The following TDG variants were observed in gnomAD, a reference collection of about 807,000 sequenced individuals.
TDG encodes thymine DNA glycosylase.
Under a neutral mutation model 46.1 loss-of-function variants are expected in TDG, and 23 were observed. The observed-to-expected ratio is 0.50, with a 90% CI of 0.36 to 0.71. TDG has a LOEUF of 0.71. Ranked by LOEUF, TDG falls within the 30% of genes least tolerant of loss-of-function variation. The pLI is 0.00. For missense variants in TDG, 304 were observed against 486.7 expected, an observed-to-expected ratio of 0.62 and a Z score of 3.53; for synonymous variants, 115 against 161.3, an observed-to-expected ratio of 0.71 and a Z score of 2.18.
chr12:103,983,243 T>C, intron 6 of TDG, 25 bp downstream of exon 6: 4 of 1,574,920 alleles, frequency 2.5e-6, no homozygotes, highest in Non-Finnish European at 3.4e-6. Context: ...TAAATTTTTT[T>C]TTTCTTTGCT....
At chr12:103,985,071 A>G in intron 8 of TDG, 151 bp downstream of exon 8, 1 of 403,822 alleles carries the variant, frequency 2.5e-6, no homozygotes, top group Non-Finnish European at 4.1e-6. Flanking sequence ...ATGTGTATAT[A>G]TACATATATA....
At chr12:103,969,126 A>G (rs1268961667) in intron 1 of TDG, among the ~76,000 whole-genome samples, 1 of 152,218 alleles carries the variant, frequency 6.6e-6, no homozygotes, top group Non-Finnish European at 1.5e-5. Flanking sequence ...TTTATTATAT[A>G]CCAGGTACTG....
At chr12:103,967,044 C>T (rs1302653327) in intron 1 of TDG, among the ~76,000 whole-genome samples, 1 of 152,102 alleles carries the variant, frequency 6.6e-6, no homozygotes, top group African/African-American at 2.4e-5. Flanking sequence ...TGGATCAAGT[C>T]CTGGAATAAA....
intron 9 of TDG, 46 bp downstream of exon 9, chr12:103,985,774 C>T: frequency 6.7e-7 from 1 of 1,487,154 alleles, no homozygotes; most frequent in Non-Finnish European, 9.0e-7. Context: ...ACGGTTTGGT[C>T]AGGATTGGGG....
chr12:103,975,072 TCTC>T (rs2136235411), intron 1 of TDG, among the ~76,000 whole-genome samples: 1 of 152,308 alleles, frequency 6.6e-6, no homozygotes, highest in South Asian at 2.1e-4. Flanking sequence ...CTGTTTTTCT[TCTC>T]CTGCCTATTT....
At chr12:103,980,652 TA>T in intron 3 of TDG, 1 of 397,872 alleles carries the variant, frequency 2.5e-6, no homozygotes. Flanking sequence ...CCTGGGATCA[TA>T]AAGGAGTCAA....
intron 9 of TDG, chr12:103,986,511 A>T (rs951673687): frequency 6.8e-6 from 1 of 146,686 alleles, no homozygotes; most frequent in Non-Finnish European, 1.5e-5. Flanking sequence ...AGCCTGGCCA[A>T]CATGGTGAAA....
chr12:103,985,427 T>C (rs1031438969), intron 8 of TDG, among the ~76,000 whole-genome samples, 176 bp from the exon 9 acceptor site: 7 of 151,996 alleles, frequency 4.6e-5, no homozygotes, highest in Non-Finnish European at 1.0e-4. Context: ...ATGTAAGCGG[T>C]TTTTACAGTT....
chr12:103,978,498 C>T (rs1871646687), intron 2 of TDG, among the ~76,000 whole-genome samples: 1 of 152,180 alleles, frequency 6.6e-6, no homozygotes, highest in Non-Finnish European at 1.5e-5. Flanking sequence ...TCTGCCTCCG[C>T]ATTAGGACTT....
chr12:103,970,283 G>T (rs1314479850), intron 1 of TDG, among the ~76,000 whole-genome samples: 1 of 152,116 alleles, frequency 6.6e-6, no homozygotes, highest in Non-Finnish European at 1.5e-5. Context: ...TTCAAGACTA[G>T]CCTGGGCAAC....
intron 1 of TDG, among the ~76,000 whole-genome samples, chr12:103,970,611 G>A (rs1871245714): frequency 1.3e-5 from 2 of 152,068 alleles, no homozygotes. Context: ...GCTAGGCATG[G>A]TGGTGTGTGC....
At chr12:103,985,580 A>C in intron 8 of TDG, 23 bp from the exon 9 acceptor site, 1 of 1,586,698 alleles carries the variant, frequency 6.3e-7, no homozygotes, top group Non-Finnish European at 8.5e-7. Context: ...ATCAGATTTA[A>C]ATCCTTTTTA....
chr12:103,966,653 C>T (rs970549848), intron 1 of TDG, among the ~76,000 whole-genome samples: 3 of 70,386 alleles, frequency 4.3e-5, no homozygotes, highest in African/African-American at 1.1e-4. Context: ...TTAAAAAGTC[C>T]TTTGGGGGAG....
chr12:103,976,295 C>G (rs1339698723), intron 1 of TDG, among the ~76,000 whole-genome samples: 1 of 151,950 alleles, frequency 6.6e-6, no homozygotes, highest in Non-Finnish European at 1.5e-5. Context: ...GTCCCAGCTA[C>G]TTGGGAGGCT....
At chr12:103,980,664 A>T (rs1866074) in intron 3 of TDG, 1 of 415,626 alleles carries the variant, frequency 2.4e-6, no homozygotes, top group Non-Finnish European at 4.3e-6. Flanking sequence ...AAGGAGTCAA[A>T]CTGGTTTTTT....
chr12:103,981,583 G>C (rs1017911276), intron 4 of TDG, among the ~76,000 whole-genome samples: 1 of 152,060 alleles, frequency 6.6e-6, no homozygotes, highest in African/African-American at 2.4e-5. Flanking sequence ...GTTATCTATA[G>C]GCATAGTAAC....
At chr12:103,980,374 G>C (rs1368879471) in intron 3 of TDG, 1 of 323,350 alleles carries the variant, frequency 3.1e-6, no homozygotes, top group East Asian at 6.5e-5. Context: ...CCCCCGATAG[G>C]GTTGCAAGTA....
intron 9 of TDG, 98 bp from the exon 10 acceptor site, chr12:103,986,850 A>T (rs1278110513): frequency 4.4e-5 from 61 of 1,376,398 alleles, no homozygotes; most frequent in Non-Finnish European, 3.0e-6. Flanking sequence ...ATGCCACTGC[A>T]TTCCAGCCTG....
chr12:103,975,446 A>C (rs1472805728), intron 1 of TDG, among the ~76,000 whole-genome samples: 2 of 152,112 alleles, frequency 1.3e-5, no homozygotes, highest in African/African-American at 4.8e-5. Context: ...CTACTTCTGG[A>C]GCCTGGGAAG....
Sources: allele counts gnomAD v4.1 joint callset (sites outside exome capture counted in the v4.1 genomes callset), GRCh38; gene constraint gnomAD v4.1.1; transcripts MANE v1.5; gene names NCBI Gene and HGNC (gene_info 2026-07-23, HGNC 2026-07-21).